Variants in TRIM24 observed in about 807,000 individuals in gnomAD.
TRIM24 encodes tripartite motif containing 24.
TRIM24 carries 29 observed loss-of-function variants against 123.9 expected under a neutral mutation model. That is an observed-to-expected ratio of 0.23 (90% CI 0.17 to 0.32). TRIM24 has a LOEUF of 0.32. Among genes scored for constraint, TRIM24 ranks in the 10% least tolerant of loss-of-function variants. The pLI is 1.00. For synonymous variants in TRIM24, 456 were observed against 461.1 expected (o/e 0.99, Z 0.14); for missense variants, 932 against 1,295.3 (o/e 0.72, Z 4.31).
At position 138,504,444 on chromosome 7, in the gene TRIM24, G is replaced by GTTTTTTTTTTTT. The variant is rs1563036659; in HGVS notation, c.483+36_483+37insTTTTTTTTTTTT. On this transcript the variant is annotated intron_variant, in intron 2 of 18. Coordinates refer to ENST00000343526, the MANE Select transcript of TRIM24 (RefSeq NM_015905.3). ...TACATCTTGAACCTTTTGCCTGCCA[G>GTTTTTTTTTTTT]CTCTTTTTTTTTTTTTTTTTTTTTT... 4 of 603,602 alleles carry GTTTTTTTTTTTT rather than the reference G, an allele frequency of 6.6e-6. 1 individual carries two copies. Among genetic ancestry groups the GTTTTTTTTTTTT allele is most frequent in the African/African-American group, 4.4e-5 (2 of 45,586 alleles). 37.4% of individuals were successfully genotyped at this position (603,602 alleles called of 1,614,324 possible).
At chr7:138,578,557 T>C (rs988843852) in intron 14 of TRIM24, among the ~76,000 whole-genome samples, 1 of 130,990 alleles carries the variant, frequency 7.6e-6, no homozygotes, top group African/African-American at 2.6e-5. Context: ...TGTGTGTGTG[T>C]GTGTGTGCGC....
chr7:138,571,094 C>G, intron 11 of TRIM24, 91 bp downstream of exon 11: 1 of 1,297,466 alleles, frequency 7.7e-7, no homozygotes, highest in Non-Finnish European at 1.1e-6. Context: ...CTTTGGGAGG[C>G]TGAGGCAGAC....
chr7:138,487,852 G>A lies in TRIM24; in HGVS notation c.365-16438G>A, dbSNP rs567113336. Among the ~76,000 whole-genome samples the A allele has an allele frequency of 4.6e-5, 7 of 152,222 alleles. No individual in the cohort carries two copies. The South Asian group carries it at 1.5e-3, about 32-fold the overall frequency. The stretch of plus-strand genomic sequence containing the variant: ...CAGGGTTGGCAGATTTATGATGCTG[G>A]CCTCATAAAATGAGATAGGGAGGAT... On this transcript the variant is annotated intron_variant, in intron 1 of 18. Transcript: ENST00000343526.
intron 13 of TRIM24, among the ~76,000 whole-genome samples, 194 bp from the exon 14 acceptor site, chr7:138,577,226 T>C (rs1248506403): frequency 6.6e-6 from 1 of 151,864 alleles, no homozygotes; most frequent in Non-Finnish European, 1.5e-5. Flanking sequence ...TTTAGATAGG[T>C]TAATATGTAA....
At position 138,580,486 on chromosome 7, in the gene TRIM24, G is replaced by A. The variant is rs534762054; in HGVS notation, c.2586-76G>A. ...ACAATTCTGTATCATAGATGTCATG[G>A]AGGAGGTGGGAAAGGGAAATAGTGA... On this transcript the variant is annotated intron_variant, in intron 15 of 18. Transcript: ENST00000343526. 2.4e-4 allele frequency: 368 copies of A among 1,523,394 alleles called. 6 individuals are homozygous for A. The South Asian group carries it at 4.4e-3, about 18-fold the overall frequency. The allele number at this position is 1,523,394 out of a possible 1,614,324, so 94.4% of individuals were successfully genotyped here. A position where few individuals can be genotyped will look rare whatever the true frequency, so the allele number is the denominator to read the frequency against.
chr7:138,516,815 T>A lies in TRIM24; in HGVS notation c.631+1456T>A, dbSNP rs116108607. On this transcript the variant is annotated intron_variant, in intron 3 of 18. Coordinates refer to ENST00000343526, the MANE Select transcript of TRIM24 (RefSeq NM_015905.3). ...TCAAAATGTAGCAAAACCGTTTTGT[T>A]TTTTTTTTTTTTTTGAGACTAGTGA... Among the ~76,000 whole-genome samples, 38 of 82,888 alleles carry A rather than the reference T, an allele frequency of 4.6e-4. No individual in the cohort carries two copies. The East Asian group carries it at 0.027, about 59-fold the overall frequency. 54.4% of individuals were successfully genotyped at this position (82,888 alleles called of 152,430 possible).
chr7:138,559,740 G>A (rs2116646811), intron 9 of TRIM24, among the ~76,000 whole-genome samples: 1 of 152,330 alleles, frequency 6.6e-6, no homozygotes, highest in Admixed American at 6.5e-5. Context: ...GCTGGTTTCA[G>A]CTGACTGTGG....
chr7:138,461,362 G>A (rs928892045), intron 1 of TRIM24: 1 of 412,706 alleles, frequency 2.4e-6, no homozygotes, highest in Non-Finnish European at 4.8e-6. Context: ...AGGGGAGAAG[G>A]GAGGGATGAA....
At chr7:138,575,423 G>A (rs1404115633) in intron 12 of TRIM24, among the ~76,000 whole-genome samples, 3 of 150,772 alleles carry the variant, frequency 2.0e-5, no homozygotes, top group African/African-American at 7.3e-5. Flanking sequence ...CTTCCCAGTA[G>A]TGGGGACTAC....
At position 138,580,672 on chromosome 7, in the gene TRIM24, A is replaced by C. The variant is rs780267549; in HGVS notation, c.2696A>C (p.Lys899Thr). 1.2e-6 allele frequency: 2 copies of C among 1,613,832 alleles called. No individual in the cohort carries two copies. The highest frequency in any genetic ancestry group is 2.2e-5 in the South Asian group (2 of 91,064). Residue 899 changes from lysine to threonine, a missense_variant, in exon 16 of 19, where the codon AAG becomes ACG. By Grantham distance (78) the Lys-to-Thr change is moderately conservative (BLOSUM62 -1). This residue lies in a region of TRIM24 where 45 missense variants were observed against 56.6 expected (regional missense o/e 0.80). Transcript: ENST00000343526. The stretch of plus-strand genomic sequence containing the variant: ...AAAAAGAAAACTGAAGGCCTTGTTA[A>C]GTTAACACCTATAGATAAAAGGGTA... ...SEKKKTEGLV[K>T]LTPIDKRKCE... is the part of the protein sequence containing the mutation.
Position 138,577,428 on chromosome 7 carries a change from C to A in TRIM24, c.2096C>A (p.Ser699Tyr). 6.4e-7 allele frequency: 1 copy of A among 1,571,398 alleles called. No individual in the cohort carries two copies. The highest frequency in any genetic ancestry group is 8.6e-7 in the Non-Finnish European group (1 of 1,161,732). ...SSVGSRGSSG[S>Y]SSKPAGADST... Reference sequence around the variant, plus strand: ...CTCTCTCATACTTACAGCTCTGGCTCTTCCAGCAAACCAGCAGGAGCTGAC... The same window carrying A: ...CTCTCTCATACTTACAGCTCTGGCTATTCCAGCAAACCAGCAGGAGCTGAC... The change falls in exon 14 of 19, where the codon TCT becomes TAT. Residue 699 changes from serine (S) to tyrosine (Y), a missense_variant. This residue lies in a region of TRIM24 where 527 missense variants were observed against 691.3 expected (regional missense o/e 0.76). Transcript: ENST00000343526.
In TRIM24 at chr7:138,585,595, A is replaced by T. The variant is rs997638002; in HGVS notation, c.*644A>T. On this transcript the variant is annotated 3_prime_UTR_variant, in exon 19 of 19. Coordinates refer to ENST00000343526, the MANE Select transcript of TRIM24 (RefSeq NM_015905.3). ...GAAAAATCCGGAAAACAAATGTTTG[A>T]TTTTTGTTTTTGTTTTTATCTTGTC... The T allele has an allele frequency of 5.3e-5, 17 of 320,696 alleles. No homozygotes were observed. The highest frequency in any genetic ancestry group is 8.3e-5 in the Non-Finnish European group (14 of 168,440). 19.9% of individuals were successfully genotyped at this position (320,696 alleles called of 1,614,324 possible).
chr7:138,466,106 C>T (rs533337693), intron 1 of TRIM24, among the ~76,000 whole-genome samples: 93 of 152,144 alleles, frequency 6.1e-4, no homozygotes, highest in African/African-American at 2.2e-3. Flanking sequence ...AGGGTTCAGG[C>T]GATTCTCCTG....
At chr7:138,495,109 A>G (rs1426403631) in intron 1 of TRIM24, among the ~76,000 whole-genome samples, 5 of 152,224 alleles carry the variant, frequency 3.3e-5, no homozygotes, top group Non-Finnish European at 1.5e-5. Flanking sequence ...AAAAAGAAAT[A>G]TTCGCATACC....
intron 1 of TRIM24, among the ~76,000 whole-genome samples, chr7:138,496,193 G>T (rs1195887271): frequency 6.6e-6 from 1 of 152,174 alleles, no homozygotes; most frequent in Non-Finnish European, 1.5e-5. Flanking sequence ...TGGAGACATG[G>T]AATCTCAACT....
intron 1 of TRIM24, among the ~76,000 whole-genome samples, chr7:138,465,727 C>T (rs996566765): frequency 6.6e-6 from 1 of 151,884 alleles, no homozygotes; most frequent in Non-Finnish European, 1.5e-5. Flanking sequence ...CCTGTCAGTC[C>T]TATATATATA....
chr7:138,515,101 G>T, intron 2 of TRIM24, 111 bp from the exon 3 acceptor site: 1 of 1,075,554 alleles, frequency 9.3e-7, no homozygotes. Flanking sequence ...AACACCATTA[G>T]GAGGCTAACT....
At chr7:138,535,736 G>A (rs558761636) in intron 6 of TRIM24, among the ~76,000 whole-genome samples, 21 of 152,052 alleles carry the variant, frequency 1.4e-4, no homozygotes, top group African/African-American at 1.9e-4. Context: ...GGCATTCTCC[G>A]TATTTCCTGA....
At chr7:138,508,849 A>T (rs1264752459) in intron 2 of TRIM24, among the ~76,000 whole-genome samples, 1 of 151,706 alleles carries the variant, frequency 6.6e-6, no homozygotes, top group Admixed American at 6.6e-5. Flanking sequence ...ATTCCTTTTC[A>T]TGGGAAATAA....
Sources: allele counts gnomAD v4.1 joint callset (sites outside exome capture counted in the v4.1 genomes callset), GRCh38; gene constraint gnomAD v4.1.1; regional missense constraint gnomAD v4.1.1; transcripts MANE v1.5; gene names NCBI Gene and HGNC (gene_info 2026-07-23, HGNC 2026-07-21).